MINPP1: variants seen among roughly 807,000 people sequenced by gnomAD.
The protein encoded by MINPP1 is multiple inositol-polyphosphate phosphatase 1, also known as multiple inositol polyphosphate phosphatase 1.
Under a neutral mutation model 46.1 loss-of-function variants are expected in MINPP1, and 28 were observed. The observed-to-expected ratio is 0.61, with a 90% CI of 0.45 to 0.83. The LOEUF (loss-of-function observed/expected upper bound fraction) is 0.83. Among genes scored for constraint, MINPP1 ranks in the 40% least tolerant of loss-of-function variants. MINPP1 has a pLI of 0.00. For missense variants in MINPP1, 603 were observed against 610.0 expected (o/e 0.99, Z 0.12); for synonymous variants, 268 against 249.1 (o/e 1.08, Z -0.72).
chr10:87,505,607 C>T lies in MINPP1; in HGVS notation c.637+55C>T. Reference sequence around the variant, plus strand: ...CCGGTCCTCCCACCCGCCCTGGATGCTCTCCCGCCTCCCCCAGACCCTGGG... The same window carrying T: ...CCGGTCCTCCCACCCGCCCTGGATGTTCTCCCGCCTCCCCCAGACCCTGGG... On this transcript the variant is annotated intron_variant, in intron 1 of 4. Coordinates refer to ENST00000371996, the MANE Select transcript of MINPP1 (RefSeq NM_004897.5). This position sits in a 1 kb window ranked among gnomAD's most constrained non-coding sequence, Gnocchi z 4.4. The T allele has an allele frequency of 1.3e-6, 2 of 1,489,676 alleles. No homozygotes were observed. Among genetic ancestry groups the T allele is most frequent in the African/African-American group, 1.4e-5 (1 of 71,250 alleles). 92.3% of individuals were successfully genotyped at this position (1,489,676 alleles called of 1,614,324 possible). A position where few individuals can be genotyped will look rare whatever the true frequency, so the allele number is the denominator to read the frequency against.
intron 4 of MINPP1, among the ~76,000 whole-genome samples, chr10:87,547,534 G>A (rs565523131): frequency 5.9e-5 from 9 of 152,122 alleles, no homozygotes; most frequent in African/African-American, 1.9e-4. Flanking sequence ...AAAATTTTTT[G>A]GTATAAATTG....
chr10:87,552,514 G>A lies in MINPP1; in HGVS notation c.*36G>A. 2 of 1,595,332 alleles carry A rather than the reference G, an allele frequency of 1.3e-6. No homozygotes were observed. The highest frequency in any genetic ancestry group is 1.7e-6 in the Non-Finnish European group (2 of 1,168,524). ...AACATTTTTAATTCTTTAGGAATCTGCAATGAGTGATTACATGCTTGTAAT... is the reference window on the plus strand; with the variant it reads ...AACATTTTTAATTCTTTAGGAATCTACAATGAGTGATTACATGCTTGTAAT... On this transcript the variant is annotated 3_prime_UTR_variant, in exon 5 of 5. Transcript: ENST00000371996.
At chr10:87,547,154 C>T (rs112788596) in intron 4 of MINPP1, among the ~76,000 whole-genome samples, 10 of 152,146 alleles carry the variant, frequency 6.6e-5, no homozygotes, top group African/African-American at 1.2e-4. Flanking sequence ...CTCTGTCACC[C>T]GGGCTAGAGT....
intron 4 of MINPP1, among the ~76,000 whole-genome samples, chr10:87,547,248 C>T (rs1251699690): frequency 2.0e-5 from 3 of 152,102 alleles, no homozygotes; most frequent in Non-Finnish European, 2.9e-5. Flanking sequence ...GTAGCTTGGA[C>T]TACAGTCATG....
At chr10:87,537,585 C>G (rs1006299395) in intron 4 of MINPP1, among the ~76,000 whole-genome samples, 5 of 150,174 alleles carry the variant, frequency 3.3e-5, no homozygotes, top group African/African-American at 1.2e-4. Context: ...GATTTATGCT[C>G]TATAGGAATA....
intron 3 of MINPP1, among the ~76,000 whole-genome samples, chr10:87,517,453 G>A (rs1386522934): frequency 6.6e-6 from 1 of 151,896 alleles, no homozygotes; most frequent in Non-Finnish European, 1.5e-5. Flanking sequence ...GTGGGGGCAG[G>A]TTATACAGTT....
intron 4 of MINPP1, among the ~76,000 whole-genome samples, chr10:87,551,310 G>C (rs1398992292): frequency 6.6e-6 from 1 of 151,736 alleles, no homozygotes; most frequent in Admixed American, 6.6e-5. Flanking sequence ...AGTCATGTTT[G>C]AATAGGTTTA....
At chr10:87,551,121 T>C (rs1198574540) in intron 4 of MINPP1, among the ~76,000 whole-genome samples, 1 of 152,036 alleles carries the variant, frequency 6.6e-6, no homozygotes, top group African/African-American at 2.4e-5. Context: ...AGAATACTTT[T>C]CCACCTAGTT....
chr10:87,532,856 A>G (rs935911828), intron 4 of MINPP1, among the ~76,000 whole-genome samples: 1 of 152,242 alleles, frequency 6.6e-6, no homozygotes, highest in Admixed American at 6.5e-5. Context: ...TAGAAAGTAC[A>G]GAGAGTTCCT....
rs747702345 is a variant in MINPP1, at chr10:87,508,450, C to G, written c.752C>G (p.Ala251Gly). The change falls in exon 2 of 5, where the codon GCC becomes GGC. Residue 251 changes from alanine to glycine, a missense_variant. Physicochemically the swap from Ala to Gly is moderately conservative, Grantham distance 60. Coordinates refer to ENST00000371996, the MANE Select transcript of MINPP1 (RefSeq NM_004897.5). The part of the protein sequence containing the change: ...KNATALYHVE[A>G]FKTGPEMQNI... ...GCTACAGCTCTTTATCACGTGGAAG[C>G]CTTCAAAACTGGACCAGAAATGCAG... 7.0e-5 allele frequency: 113 copies of G among 1,613,650 alleles called. No individual in the cohort carries two copies. The highest frequency in any genetic ancestry group is 8.9e-5 in the Non-Finnish European group (105 of 1,179,868).
At chr10:87,535,610 T>G (rs777087813) in intron 4 of MINPP1, among the ~76,000 whole-genome samples, 32 of 152,296 alleles carry the variant, frequency 2.1e-4, no homozygotes, top group Non-Finnish European at 4.1e-4. Context: ...CAGTATACTT[T>G]ACCTGTCATC....
At chr10:87,551,979 T>C (rs1320622941) in intron 4 of MINPP1, 103 bp from the exon 5 acceptor site, 2 of 892,966 alleles carry the variant, frequency 2.2e-6, no homozygotes, top group Non-Finnish European at 3.4e-6. Context: ...ATAGATGGGA[T>C]TATTTAAACT....
At chr10:87,508,778 T>C (rs954160977) in intron 2 of MINPP1, among the ~76,000 whole-genome samples, 6 of 152,208 alleles carry the variant, frequency 3.9e-5, no homozygotes, top group African/African-American at 1.2e-4. Flanking sequence ...TGGAGTTTTT[T>C]TGAGGGCAGA....
chr10:87,512,487 T>C (rs908892217), intron 2 of MINPP1, among the ~76,000 whole-genome samples: 6 of 152,286 alleles, frequency 3.9e-5, no homozygotes, highest in Middle Eastern at 6.8e-3. Flanking sequence ...TTCTCTCTCC[T>C]TTTATATCTT....
At chr10:87,540,956 GT>G (rs1184264866) in intron 4 of MINPP1, among the ~76,000 whole-genome samples, 1 of 152,074 alleles carries the variant, frequency 6.6e-6, no homozygotes, top group Non-Finnish European at 1.5e-5. Flanking sequence ...GTTTTTCGGT[GT>G]TTAAAAGTTA....
At position 87,505,010 on chromosome 10, in the gene MINPP1, T is replaced by A; in HGVS notation, c.95T>A (p.Leu32His). Residue 32 changes from leucine (L) to histidine (H), a missense_variant, in exon 1 of 5, where the codon CTT becomes CAT. By Grantham distance (99) the Leu-to-His change is moderately conservative. Coordinates refer to ENST00000371996, the MANE Select transcript of MINPP1 (RefSeq NM_004897.5). This position sits in a 1 kb window ranked among gnomAD's most constrained non-coding sequence, Gnocchi z 4.4. ...CTCTCGTCGCTTGCGCGCTGCTCTC[T>A]TCTAGAGCCGAGGGACCCGGTGGCC... ...ALLSSLARCSLLEPRDPVASS... is the reference protein window; with the variant it reads ...ALLSSLARCSHLEPRDPVASS... 2 of 1,612,966 alleles carry A rather than the reference T, an allele frequency of 1.2e-6. No individual in the cohort carries two copies. Among genetic ancestry groups the A allele is most frequent in the Middle Eastern group, 1.7e-4 (1 of 6,060 alleles).
intron 4 of MINPP1, among the ~76,000 whole-genome samples, chr10:87,528,512 A>T (rs1213121121): frequency 1.3e-5 from 2 of 152,124 alleles, no homozygotes; most frequent in East Asian, 3.8e-4. Context: ...CATGTAGTTG[A>T]GCGGTTTTGA....
Position 87,552,476 on chromosome 10 carries a change from T to C in MINPP1, c.1462T>C (p.Ter488ArgextTer7), listed in dbSNP as rs776417238. Reference sequence around the variant, plus strand: ...GGCTAACAGTACATCTGATGAACTATGAGTAACTGAAGAACATTTTTAATT... The same window carrying C: ...GGCTAACAGTACATCTGATGAACTACGAGTAACTGAAGAACATTTTTAATT... The part of the protein sequence containing the change: ...ARANSTSDEL[*>R] The change falls in exon 5 of 5, where the codon TGA (stop) becomes CGA (arginine). Residue 488 changes from the stop codon to arginine (R), a stop_lost. Coordinates refer to ENST00000371996, the MANE Select transcript of MINPP1 (RefSeq NM_004897.5). 1 of 1,611,922 alleles carries C rather than the reference T, an allele frequency of 6.2e-7. No homozygotes were observed. The highest frequency in any genetic ancestry group is 1.1e-5 in the South Asian group (1 of 91,014).
chr10:87,512,680 G>A (rs1053018569), intron 2 of MINPP1, among the ~76,000 whole-genome samples: 3 of 152,008 alleles, frequency 2.0e-5, no homozygotes, highest in Admixed American at 6.6e-5. Context: ...AAGTCCTTGG[G>A]TTATACTTTT....
Sources: allele counts gnomAD v4.1 joint callset (sites outside exome capture counted in the v4.1 genomes callset), GRCh38; gene constraint gnomAD v4.1.1; non-coding constraint Gnocchi (gnomAD v3.1); transcripts MANE v1.5; gene names NCBI Gene and HGNC (gene_info 2026-07-23, HGNC 2026-07-21).